KAZN: variants seen among roughly 807,000 people sequenced by gnomAD.
KAZN encodes the protein kazrin.
A neutral mutation model predicts 87.4 loss-of-function variants in KAZN; 40 were observed. The ratio of observed to expected loss-of-function variants is 0.46; its 90% CI spans 0.36 to 0.60. The LOEUF is 0.60. KAZN is among the 20% of genes least tolerant of loss of function. The pLI is 0.00. For missense variants in KAZN, 898 were observed against 1,073.9 expected (o/e 0.84, Z 2.29); for synonymous variants, 466 against 458.3 (o/e 1.02, Z -0.22).
rs769836668 is a variant in KAZN, at chr1:15,056,254, A to AC, written c.896dup (p.His300SerfsTer73). 2 of 1,607,968 alleles carry AC rather than the reference A, an allele frequency of 1.2e-6. No homozygotes were observed. Among genetic ancestry groups the AC allele is most frequent in the African/African-American group, 1.3e-5 (1 of 74,648 alleles). On this transcript the variant is annotated frameshift_variant, in exon 5 of 15. Coordinates refer to ENST00000376030, the MANE Select transcript of KAZN (RefSeq NM_201628.3). LOFTEE classifies it high-confidence loss of function. This position sits in a 1 kb window ranked among gnomAD's most constrained non-coding sequence, Gnocchi z 5.4. Reference sequence around the variant, plus strand: ...AGTCAACAGACTCTCTACCACTCACACCCCCCTCACCCTGCGGACCGGCAA... The same window carrying AC: ...AGTCAACAGACTCTCTACCACTCACACCCCCCCTCACCCTGCGGACCGGCAA...
chr1:14,552,713 G>A (rs1243619187), intron 2 of KAZN, among the ~76,000 whole-genome samples: 1 of 152,192 alleles, frequency 6.6e-6, no homozygotes, highest in African/African-American at 2.4e-5. Flanking sequence ...GGGCAAAAGA[G>A]CACAATAGTA....
At chr1:15,002,149 G>T (rs912581436) in intron 2 of KAZN, among the ~76,000 whole-genome samples, 23 of 152,176 alleles carry the variant, frequency 1.5e-4, no homozygotes, top group African/African-American at 5.5e-4. Flanking sequence ...CAAAGTGCTG[G>T]GATTACAGGC....
chr1:15,007,565 C>T (rs1669148570), intron 2 of KAZN, among the ~76,000 whole-genome samples: 1 of 152,194 alleles, frequency 6.6e-6, no homozygotes, highest in African/African-American at 2.4e-5. Flanking sequence ...AGGTGGGAGG[C>T]TCGGGCCGAG....
At chr1:13,925,621 A>G (rs1224256977) in intron 1 of KAZN, among the ~76,000 whole-genome samples, 1 of 152,184 alleles carries the variant, frequency 6.6e-6, no homozygotes, top group Non-Finnish European at 1.5e-5. Context: ...GGGGTAGGCT[A>G]TGGAGATCAC....
At chr1:14,918,692 AAAAAAAAAAAAAAAAATATATATATAT>A (rs1165712143) in intron 1 of KAZN, among the ~76,000 whole-genome samples, 6 of 67,252 alleles carry the variant, frequency 8.9e-5, no homozygotes, top group African/African-American at 4.7e-4. Flanking sequence ...AAAAAAAAAA[AAAAAAAAAAAAAAAAATATATATATAT>A]ATATATATAT....
intron 2 of KAZN, among the ~76,000 whole-genome samples, chr1:14,588,377 T>A (rs1437285342): frequency 6.6e-6 from 1 of 152,216 alleles, no homozygotes; most frequent in Non-Finnish European, 1.5e-5. Flanking sequence ...ATACATAGAT[T>A]TGTGAAGGTA....
At chr1:14,704,610 C>T (rs1188912475) in intron 1 of KAZN, among the ~76,000 whole-genome samples, 2 of 152,200 alleles carry the variant, frequency 1.3e-5, no homozygotes, top group African/African-American at 4.8e-5. Flanking sequence ...CTAGGACAGG[C>T]CGTGTGGACA....
At chr1:14,759,445 T>A (rs923073287) in intron 1 of KAZN, among the ~76,000 whole-genome samples, 8 of 152,198 alleles carry the variant, frequency 5.3e-5, no homozygotes, top group African/African-American at 1.9e-4. Context: ...AGAGGCTCTA[T>A]AAAAGCAGCT....
chr1:14,727,522 C>T (rs1414589801), intron 1 of KAZN, among the ~76,000 whole-genome samples: 13 of 114,624 alleles, frequency 1.1e-4, no homozygotes, highest in African/African-American at 4.3e-4. Context: ...TCTTGTTGTC[C>T]AGGCTGCAGT....
At chr1:13,987,574 A>G (rs6429818) in intron 1 of KAZN, among the ~76,000 whole-genome samples, 136,873 of 152,146 alleles carry the variant, frequency 0.9, 61,830 homozygotes, top group African/African-American at 0.94. Flanking sequence ...AGTTCTGGGG[A>G]CTGGGAAGTC....
intron 1 of KAZN, among the ~76,000 whole-genome samples, chr1:14,129,410 CAGGGATATTCCTTCA>C (rs1644944003): frequency 6.6e-6 from 1 of 152,192 alleles, no homozygotes; most frequent in Admixed American, 6.5e-5. Context: ...CAGCCAAGTT[CAGGGATATTCCTTCA>C]AGCATCAGGC....
intron 2 of KAZN, among the ~76,000 whole-genome samples, chr1:14,228,759 A>C (rs958441660): frequency 6.6e-6 from 1 of 152,226 alleles, no homozygotes; most frequent in African/African-American, 2.4e-5. Flanking sequence ...GCCTAGAAAC[A>C]TGAGCTGAAT....
intron 1 of KAZN, among the ~76,000 whole-genome samples, chr1:14,022,379 G>C (rs937761113): frequency 6.7e-6 from 1 of 149,054 alleles, no homozygotes; most frequent in African/African-American, 2.5e-5. Context: ...AGAATTGCAA[G>C]TACACAATAA....
At chr1:14,451,152 C>CA (rs1358312449) in intron 2 of KAZN, among the ~76,000 whole-genome samples, 1 of 152,064 alleles carries the variant, frequency 6.6e-6, no homozygotes, top group Non-Finnish European at 1.5e-5. Context: ...GCCAATCAAA[C>CA]CTCTTTTCTC....
At chr1:14,368,853 G>A (rs1167364449) in intron 2 of KAZN, among the ~76,000 whole-genome samples, 1 of 152,180 alleles carries the variant, frequency 6.6e-6, no homozygotes, top group Non-Finnish European at 1.5e-5. Context: ...CAGGTAGAGA[G>A]GTACTGGCTT....
At chr1:14,911,723 G>A (rs1657271491) in intron 1 of KAZN, among the ~76,000 whole-genome samples, 1 of 152,168 alleles carries the variant, frequency 6.6e-6, no homozygotes, top group Non-Finnish European at 1.5e-5. Context: ...TGACTGGTCT[G>A]GAATCCCTAG....
At chr1:14,100,900 A>C (rs944331231) in intron 1 of KAZN, among the ~76,000 whole-genome samples, 11 of 151,820 alleles carry the variant, frequency 7.2e-5, no homozygotes, top group African/African-American at 2.7e-4. Context: ...ATAGTGAATA[A>C]GTTTCACAAA....
chr1:14,245,166 T>G (rs1649379300), intron 2 of KAZN, among the ~76,000 whole-genome samples: 1 of 152,030 alleles, frequency 6.6e-6, no homozygotes, highest in African/African-American at 2.4e-5. Context: ...GGTTTCACCG[T>G]GTTGGCCAGG....
chr1:15,096,472 C>T lies in KAZN; in HGVS notation c.1547+1539C>T, dbSNP rs892609423. The stretch of plus-strand genomic sequence containing the variant: ...GTGCGGCCTGCCCAGCCCCTGCCCC[C>T]GACAGCCTCGTCCCCCAGCATGGCC... On this transcript the variant is annotated intron_variant, in intron 10 of 14. Transcript: ENST00000376030. This position sits in a 1 kb window ranked among gnomAD's most constrained non-coding sequence, Gnocchi z 4.5. Among the ~76,000 whole-genome samples the T allele has an allele frequency of 6.6e-6, 1 of 152,224 alleles. No individual in the cohort carries two copies. The highest frequency in any genetic ancestry group is 1.5e-5 in the Non-Finnish European group (1 of 68,034).
Sources: gnomAD v4.1 joint callset for allele counts (sites outside exome capture counted in the v4.1 genomes callset) on GRCh38, gnomAD v4.1.1 for gene constraint, Gnocchi (gnomAD v3.1) non-coding constraint, MANE v1.5 for transcripts, NCBI Gene and HGNC (gene_info 2026-07-23, HGNC 2026-07-21) for gene names.